The following FHOD3 variants were observed in gnomAD, a reference collection of about 807,000 sequenced individuals.
FHOD3 encodes formin homology 2 domain containing 3.
FHOD3 carries 90 observed loss-of-function variants against 173.0 expected under a neutral mutation model. The observed-to-expected ratio is 0.52, with a 90% confidence interval of 0.44 to 0.62. The LOEUF (loss-of-function observed/expected upper bound fraction) is 0.62, where lower values mean the gene tolerates loss of function less well. Ranked by LOEUF, FHOD3 falls within the 20% of genes least tolerant of loss-of-function variation. FHOD3 has a pLI of 0.00. For synonymous variants in FHOD3, 828 were observed against 823.0 expected (o/e 1.01, Z -0.10); for missense variants, 1,945 against 2,034.7 (o/e 0.96, Z 0.85).
intron 21 of FHOD3, among the ~76,000 whole-genome samples, chr18:36,742,411 G>C (rs1002998344): frequency 1.3e-5 from 2 of 152,180 alleles, no homozygotes; most frequent in Non-Finnish European, 2.9e-5. Flanking sequence ...TGGTCTAGAA[G>C]CCGAAGGAAG....
chr18:36,377,378 C>G (rs2047495570), intron 3 of FHOD3, among the ~76,000 whole-genome samples: 1 of 139,676 alleles, frequency 7.2e-6, no homozygotes, highest in Non-Finnish European at 1.6e-5. Flanking sequence ...AGGGAGGCCC[C>G]CCTCTAGCTT....
intron 12 of FHOD3, 127 bp downstream of exon 12, chr18:36,653,056 T>G (rs1026594275): frequency 7.6e-7 from 1 of 1,308,514 alleles, no homozygotes; most frequent in Admixed American, 2.8e-5. Flanking sequence ...CAGGGAGCAG[T>G]TGTGGCATAA....
At position 36,533,139 on chromosome 18, in the gene FHOD3, C is replaced by T. The variant is rs546039728; in HGVS notation, c.511+20596C>T. Among the ~76,000 whole-genome samples, 3 of 152,340 alleles carry T rather than the reference C, an allele frequency of 2.0e-5. No individual in the cohort carries two copies. The South Asian group carries it at 6.2e-4, about 32-fold the overall frequency. ...GAAGGACCTTAGAACTTGAACTGGGCTGTTTATAGAAGATAGGCAGCCAGA... is the reference window on the plus strand; with the variant it reads ...GAAGGACCTTAGAACTTGAACTGGGTTGTTTATAGAAGATAGGCAGCCAGA... On this transcript the variant is annotated intron_variant, in intron 5 of 28. Transcript: ENST00000590592.
At chr18:36,650,593 AG>A (rs2035983283) in intron 11 of FHOD3, among the ~76,000 whole-genome samples, 1 of 152,212 alleles carries the variant, frequency 6.6e-6, no homozygotes, top group Non-Finnish European at 1.5e-5. Context: ...TGCTCTGGGA[AG>A]GGAGGATGTT....
chr18:36,665,392 A>G (rs945979746), intron 14 of FHOD3, among the ~76,000 whole-genome samples: 7 of 152,190 alleles, frequency 4.6e-5, no homozygotes, highest in African/African-American at 1.4e-4. Context: ...TCTGCAAATA[A>G]AGAGTTTCCA....
intron 3 of FHOD3, among the ~76,000 whole-genome samples, chr18:36,439,776 G>T (rs1163605360): frequency 6.6e-6 from 1 of 152,072 alleles, no homozygotes; most frequent in Non-Finnish European, 1.5e-5. Context: ...AAGTCCTAGA[G>T]TCCAAAGGCC....
chr18:36,304,954 A>C (rs1204774300), intron 1 of FHOD3, among the ~76,000 whole-genome samples: 1 of 152,208 alleles, frequency 6.6e-6, no homozygotes, highest in African/African-American at 2.4e-5. Context: ...CGCCTTCAGT[A>C]TGCCTCAGAA....
chr18:36,391,837 C>T (rs1047363155), intron 3 of FHOD3, among the ~76,000 whole-genome samples: 3 of 152,188 alleles, frequency 2.0e-5, no homozygotes, highest in Non-Finnish European at 4.4e-5. Flanking sequence ...GGCCCCCTGA[C>T]TGTGTTGGTG....
intron 3 of FHOD3, among the ~76,000 whole-genome samples, chr18:36,391,142 ATGC>A (rs2048283582): frequency 6.6e-6 from 1 of 152,194 alleles, no homozygotes; most frequent in South Asian, 2.1e-4. Flanking sequence ...GTTTCATCTA[ATGC>A]TGCCAACACT....
chr18:36,326,871 A>G (rs2044695127), intron 1 of FHOD3, among the ~76,000 whole-genome samples: 1 of 152,228 alleles, frequency 6.6e-6, no homozygotes, highest in African/African-American at 2.4e-5. Flanking sequence ...CTTAGGAAAG[A>G]GAGACTCACC....
chr18:36,313,352 T>C (rs2092300099), intron 1 of FHOD3, among the ~76,000 whole-genome samples: 1 of 152,220 alleles, frequency 6.6e-6, no homozygotes, highest in Non-Finnish European at 1.5e-5. Flanking sequence ...TGAGTTTTCA[T>C]ATATGCATAA....
At chr18:36,723,653 G>A (rs1476243369) in intron 19 of FHOD3, among the ~76,000 whole-genome samples, 1 of 152,186 alleles carries the variant, frequency 6.6e-6, no homozygotes, top group Non-Finnish European at 1.5e-5. Flanking sequence ...ATGCAGAGAA[G>A]CATTTGCAAA....
Position 36,371,061 on chromosome 18 carries a change from C to T in FHOD3, c.273-1619C>T, listed in dbSNP as rs560269412. 4.6e-5 allele frequency among the ~76,000 whole-genome samples: 7 copies of T among 152,218 alleles called. No individual in the cohort carries two copies. In the East Asian group the frequency reaches 7.7e-4, roughly 17 times the overall value. On this transcript the variant is annotated intron_variant, in intron 2 of 28. Coordinates refer to ENST00000590592, the MANE Select transcript of FHOD3 (RefSeq NM_001281740.3). ...AGGAATCTTGAACTTCTGTAGACAT[C>T]GTGTATTGGCTGCAAGCTTCTTGAG... is the stretch of plus-strand genomic sequence containing the variant.
chr18:36,488,340 T>G (rs1249536000), intron 3 of FHOD3, among the ~76,000 whole-genome samples: 1 of 152,206 alleles, frequency 6.6e-6, no homozygotes, highest in Non-Finnish European at 1.5e-5. Context: ...GTGAACATCT[T>G]CCCTATCAAC....
chr18:36,395,133 A>G lies in FHOD3; in HGVS notation c.337+22389A>G, dbSNP rs186397158. 5.3e-5 allele frequency among the ~76,000 whole-genome samples: 8 copies of G among 151,250 alleles called. No homozygotes were observed. The East Asian group carries it at 1.6e-3, about 31-fold the overall frequency. The stretch of plus-strand genomic sequence containing the variant: ...TAACAGTACTACCACCATCAATATA[A>G]CTACTGAGAACAGTTTAGGTTTTTT... On this transcript the variant is annotated intron_variant, in intron 3 of 28. Coordinates refer to ENST00000590592, the MANE Select transcript of FHOD3 (RefSeq NM_001281740.3).
At chr18:36,636,058 A>G (rs1175220713) in intron 10 of FHOD3, among the ~76,000 whole-genome samples, 2 of 152,210 alleles carry the variant, frequency 1.3e-5, no homozygotes, top group African/African-American at 4.8e-5. Context: ...TCAAGTTCCT[A>G]GTTGAATCTT....
At chr18:36,576,394 G>A in intron 5 of FHOD3, 57 bp from the exon 6 acceptor site, 1 of 1,283,114 alleles carries the variant, frequency 7.8e-7, no homozygotes, top group Middle Eastern at 1.9e-4. Context: ...TATGATCACT[G>A]AAGATTATAT....
At chr18:36,361,388 T>A (rs112941954) in intron 2 of FHOD3, among the ~76,000 whole-genome samples, 1 of 151,908 alleles carries the variant, frequency 6.6e-6, no homozygotes, top group Non-Finnish European at 1.5e-5. Context: ...CTTGCTTTTT[T>A]AAAAAAAGCT....
intron 3 of FHOD3, among the ~76,000 whole-genome samples, chr18:36,466,110 C>T (rs1055533814): frequency 2.6e-5 from 4 of 152,146 alleles, no homozygotes; most frequent in Non-Finnish European, 5.9e-5. Context: ...ATACATGTTA[C>T]TCTCCTGCAG....
Sources: gnomAD v4.1 joint callset for allele counts (sites outside exome capture counted in the v4.1 genomes callset) on GRCh38, gnomAD v4.1.1 for gene constraint, MANE v1.5 for transcripts, NCBI Gene and HGNC (gene_info 2026-07-23, HGNC 2026-07-21) for gene names.